Variants in NCKAP1 observed in about 807,000 individuals in gnomAD.
NCKAP1 encodes the protein nck-associated protein 1.
A neutral mutation model predicts 151.2 loss-of-function variants in NCKAP1; 21 were observed. The observed-to-expected ratio is 0.14, with a 90% CI of 0.10 to 0.20. The LOEUF is 0.20. Among genes scored for constraint, NCKAP1 ranks in the 10% least tolerant of loss-of-function variants. NCKAP1 has a pLI of 1.00. For synonymous variants in NCKAP1, 484 were observed against 451.8 expected, an observed-to-expected ratio of 1.07 and a Z score of -0.90; for missense variants, 933 against 1,352.1, an observed-to-expected ratio of 0.69 and a Z score of 4.86.
intron 23 of NCKAP1, chr2:182,947,041 A>G (rs959441806): frequency 6.6e-6 from 1 of 152,234 alleles, no homozygotes. Context: ...ACCCTGCACT[A>G]ATCTCCAAAA....
At chr2:183,004,996 TGA>T (rs1393082325) in intron 2 of NCKAP1, among the ~76,000 whole-genome samples, 1 of 151,962 alleles carries the variant, frequency 6.6e-6, no homozygotes, top group Non-Finnish European at 1.5e-5. Flanking sequence ...TAGCTTCATC[TGA>T]GAGTAGCTGA....
chr2:182,967,247 A>G lies in NCKAP1; in HGVS notation c.1597T>C (p.Leu533=). 1 of 1,610,430 alleles carries G rather than the reference A, an allele frequency of 6.2e-7. No homozygotes were observed. Among genetic ancestry groups the G allele is most frequent in the African/African-American group, 1.3e-5 (1 of 74,752 alleles). The change falls in exon 16 of 31, where the codon TTG becomes CTG. Residue 533 remains leucine, a synonymous_variant. Transcript: ENST00000361354. ...ATGGAGAGATCTGATGTTTCCACCA[A>G]CATTTCCACCAAGGAATCTACCATT... ...TKMVDSLVEM[L]VETSDLSIFC...
Position 182,978,816 on chromosome 2 carries a change from A to T in NCKAP1, c.1423+18T>A. 1 of 1,421,618 alleles carries T rather than the reference A, an allele frequency of 7.0e-7. No homozygotes were observed. Among genetic ancestry groups the T allele is most frequent in the African/African-American group, 1.4e-5 (1 of 70,016 alleles). The allele number at this position is 1,421,618 out of a possible 1,614,324, so 88.1% of individuals were successfully genotyped here. A position where few individuals can be genotyped will look rare whatever the true frequency, so the allele number is the denominator to read the frequency against. Reference sequence around the variant, plus strand: ...TCTAATTAGAAGAAAATATGCTTTTATTTAAAAGGCTTATTACCTTGTTTT... The same window carrying T: ...TCTAATTAGAAGAAAATATGCTTTTTTTTAAAAGGCTTATTACCTTGTTTT... On this transcript the variant is annotated intron_variant, in intron 14 of 30. Coordinates refer to ENST00000361354, the MANE Select transcript of NCKAP1 (RefSeq NM_013436.5).
intron 1 of NCKAP1, 65 bp from the exon 2 acceptor site, chr2:183,023,981 T>A (rs1698842698): frequency 1.7e-6 from 2 of 1,169,840 alleles, no homozygotes; most frequent in African/African-American, 3.1e-5. Flanking sequence ...AAATAGCAAA[T>A]CTGCAATTAG....
At position 182,956,528 on chromosome 2, in the gene NCKAP1, A is replaced by C. The variant is rs1697331094; in HGVS notation, c.2087T>G (p.Val696Gly). Residue 696 changes from valine (V) to glycine (G), a missense_variant, in exon 20 of 31, where the codon GTG becomes GGG. Val to Gly is a moderately radical substitution (Grantham distance 109). Coordinates refer to ENST00000361354, the MANE Select transcript of NCKAP1 (RefSeq NM_013436.5). ...CFSINYVPNM[V>G]VWEHTFTPRE... is the part of the protein sequence containing the mutation. The stretch of plus-strand genomic sequence containing the variant: ...TGGGGTAAAGGTATGTTCCCATACC[A>C]CCATGTTTGGTACATAATTTATAGA... 6.2e-7 allele frequency: 1 copy of C among 1,610,292 alleles called. No individual in the cohort carries two copies. Among genetic ancestry groups the C allele is most frequent in the African/African-American group, 1.3e-5 (1 of 74,880 alleles).
chr2:182,988,957 C>T lies in NCKAP1; in HGVS notation c.947+73G>A, dbSNP rs542603709. 5.1e-6 allele frequency: 7 copies of T among 1,370,662 alleles called. No individual in the cohort carries two copies. In the South Asian group the frequency reaches 8.0e-5, roughly 16 times the overall value. 84.9% of individuals were successfully genotyped at this position (1,370,662 alleles called of 1,614,324 possible). On this transcript the variant is annotated intron_variant, in intron 9 of 30. Coordinates refer to ENST00000361354, the MANE Select transcript of NCKAP1 (RefSeq NM_013436.5). ...TGCACAGTGTGACTACTCCTTTATC[C>T]CCAAAACTTCAGTAAAGATAACTCA...
chr2:183,007,775 G>C (rs992606628), intron 2 of NCKAP1, among the ~76,000 whole-genome samples: 12 of 152,096 alleles, frequency 7.9e-5, no homozygotes, highest in Non-Finnish European at 1.6e-4. Flanking sequence ...ATGCTATTTG[G>C]GTAAATCTCT....
chr2:183,038,037 G>C lies in NCKAP1; in HGVS notation c.63C>G (p.Asn21Lys), dbSNP rs910994831. ...QKLAEKLTIL[N>K]DRGVGMLTRL... ...GGGTGAGCATGCCGACGCCCCGGTC[G>C]TTGAGGATGGTGAGCTTCTCCGCCA... The change falls in exon 1 of 31, where the codon AAC becomes AAG. Residue 21 changes from asparagine to lysine, a missense_variant. By Grantham distance (94) the Asn-to-Lys change is moderately conservative. Around this residue, in one of 2 missense-constraint regions of NCKAP1, gnomAD observed 607 missense variants for 795.0 expected, o/e 0.76. Transcript: ENST00000361354. The C allele has an allele frequency of 6.3e-7, 1 of 1,586,288 alleles. No individual in the cohort carries two copies. Among genetic ancestry groups the C allele is most frequent in the East Asian group, 2.3e-5 (1 of 42,814 alleles).
chr2:182,986,528 T>C (rs1174910619), intron 9 of NCKAP1, among the ~76,000 whole-genome samples: 1 of 152,184 alleles, frequency 6.6e-6, no homozygotes, highest in African/African-American at 2.4e-5. Context: ...ACACTGAAAT[T>C]ATACTTCTGA....
chr2:182,974,502 C>CTT (rs1697765335), intron 15 of NCKAP1, among the ~76,000 whole-genome samples: 1 of 151,674 alleles, frequency 6.6e-6, no homozygotes, highest in Non-Finnish European at 1.5e-5. Flanking sequence ...ACTGGTAGCC[C>CTT]TATAAAAAGG....
rs1252782862 is a variant in NCKAP1 at position 182,911,456 on chromosome 2, T to C, written c.*14246A>G. ...AAAAATGGCCATCAGTTCATGACTT[T>C]ATTAACTTATATAGTTAATACATGT... is the stretch of plus-strand genomic sequence containing the variant. On this transcript the variant is annotated 3_prime_UTR_variant, in exon 31 of 31. Coordinates refer to ENST00000361354, the MANE Select transcript of NCKAP1 (RefSeq NM_013436.5). The C allele has an allele frequency of 6.6e-6, 1 of 152,220 alleles. No individual in the cohort carries two copies. Among genetic ancestry groups the C allele is most frequent in the Non-Finnish European group, 1.5e-5 (1 of 68,040 alleles). The allele number at this position is 152,220 out of a possible 1,614,324, so 9.4% of individuals were successfully genotyped here. A position where few individuals can be genotyped will look rare whatever the true frequency, so the allele number is the denominator to read the frequency against.
intron 15 of NCKAP1, among the ~76,000 whole-genome samples, chr2:182,969,267 C>T (rs1488584445): frequency 6.6e-6 from 1 of 152,178 alleles, no homozygotes; most frequent in Non-Finnish European, 1.5e-5. Flanking sequence ...TCTCTGACCA[C>T]AGTGCAATAA....
chr2:183,036,073 T>C (rs1180233909), intron 1 of NCKAP1, among the ~76,000 whole-genome samples: 1 of 152,178 alleles, frequency 6.6e-6, no homozygotes, highest in Non-Finnish European at 1.5e-5. Flanking sequence ...CAATGCATTT[T>C]AACTTTCACA....
In NCKAP1 at chr2:182,983,888, G is replaced by T. The variant is rs181144282; in HGVS notation, c.1005-506C>A. Among the ~76,000 whole-genome samples the T allele has an allele frequency of 7.9e-5, 12 of 152,080 alleles. No homozygotes were observed. In the East Asian group the frequency reaches 1.6e-3, roughly 20 times the overall value. ...TCTCTACTAAAAATACAAAACATTA[G>T]CCAGGTGTGGTGGGTGCCTGTAATC... is the stretch of plus-strand genomic sequence containing the variant. On this transcript the variant is annotated intron_variant, in intron 10 of 30. Coordinates refer to ENST00000361354, the MANE Select transcript of NCKAP1 (RefSeq NM_013436.5).
intron 1 of NCKAP1, among the ~76,000 whole-genome samples, chr2:183,027,742 T>C (rs1029744128): frequency 1.3e-5 from 2 of 152,116 alleles, no homozygotes; most frequent in Non-Finnish European, 2.9e-5. Flanking sequence ...TAAAACAGTA[T>C]AGAAAATTCC....
Position 182,981,237 on chromosome 2 carries a change from T to C in NCKAP1, c.1341+7A>G. 1 of 1,612,314 alleles carries C rather than the reference T, an allele frequency of 6.2e-7. No individual in the cohort carries two copies. The highest frequency in any genetic ancestry group is 8.5e-7 in the Non-Finnish European group (1 of 1,179,184). On this transcript the variant is annotated splice_region_variant and intron_variant, in intron 13 of 30. Coordinates refer to ENST00000361354, the MANE Select transcript of NCKAP1 (RefSeq NM_013436.5). ...ACAAAAGGGAAATAGTATGAGATAG[T>C]TTTTACCTGCACGAGTTCATTGAGG... is the stretch of plus-strand genomic sequence containing the variant.
At chr2:182,991,555 T>G (rs1698170999) in intron 8 of NCKAP1, among the ~76,000 whole-genome samples, 1 of 151,132 alleles carries the variant, frequency 6.6e-6, no homozygotes, top group Non-Finnish European at 1.5e-5. Flanking sequence ...AAGACTCAAG[T>G]CTCAAAAGAA....
rs757826882 is a variant in NCKAP1 at position 182,982,829 on chromosome 2, A to G, written c.1200T>C (p.Phe400=). ...AAATGTTGCTAACTTACTTATCTATAAAGTCGTCTGCACTCTTCTTTGGCA... is the reference window on the plus strand; with the variant it reads ...AAATGTTGCTAACTTACTTATCTATGAAGTCGTCTGCACTCTTCTTTGGCA... The part of the protein sequence containing the change: ...DNMPKKSADD[F]IDKHIAELIF... The change falls in exon 12 of 31, where the codon TTT becomes TTC. Residue 400 remains phenylalanine (F), a synonymous_variant. Coordinates refer to ENST00000361354, the MANE Select transcript of NCKAP1 (RefSeq NM_013436.5). 2.5e-6 allele frequency: 4 copies of G among 1,588,196 alleles called. No individual in the cohort carries two copies. Among genetic ancestry groups the G allele is most frequent in the South Asian group, 1.2e-5 (1 of 86,360 alleles).
Position 182,971,393 on chromosome 2 carries a change from CAAAAAAAAAAA to C in NCKAP1, c.1483-4043_1483-4033del, listed in dbSNP as rs1190689259. On this transcript the variant is annotated intron_variant, in intron 15 of 30. Coordinates refer to ENST00000361354, the MANE Select transcript of NCKAP1 (RefSeq NM_013436.5). ...TGGGCGACAGAGCGAGACTCCGTCT[CAAAAAAAAAAA>C]AAAAAAAAAAAAGATATCTCATGTT... 2.7e-3 allele frequency among the ~76,000 whole-genome samples: 187 copies of C among 68,966 alleles called. 2 individuals are homozygous for C. Among genetic ancestry groups the C allele is most frequent in the African/African-American group, 9.1e-3 (176 of 19,288 alleles). 45.2% of individuals were successfully genotyped at this position (68,966 alleles called of 152,430 possible). A position where few individuals can be genotyped will look rare whatever the true frequency, so the allele number is the denominator to read the frequency against.
Sources: allele counts gnomAD v4.1 joint callset (sites outside exome capture counted in the v4.1 genomes callset), GRCh38; gene constraint gnomAD v4.1.1; regional missense constraint gnomAD v4.1.1; transcripts MANE v1.5; gene names NCBI Gene and HGNC (gene_info 2026-07-23, HGNC 2026-07-21).